CREB5: variants seen among roughly 807,000 people sequenced by gnomAD.
The protein encoded by CREB5 is cyclic AMP-responsive element-binding protein 5.
A neutral mutation model predicts 57.1 loss-of-function variants in CREB5; 19 were observed. That is an observed-to-expected ratio of 0.33 (90% CI 0.23 to 0.49). The LOEUF is 0.49. Among genes scored for constraint, CREB5 ranks in the 20% least tolerant of loss-of-function variants. CREB5 has a pLI of 0.99. For missense variants in CREB5, 579 were observed against 671.6 expected (o/e 0.86, Z 1.52); for synonymous variants, 238 against 238.3 (o/e 1.00, Z 0.01).
intron 1 of CREB5, among the ~76,000 whole-genome samples, chr7:28,350,292 C>T (rs975177002): frequency 7.9e-5 from 12 of 152,142 alleles, no homozygotes; most frequent in Admixed American, 3.3e-4. Flanking sequence ...GAAGACTGGC[C>T]GCCTGTGGAG....
At chr7:28,560,981 CGTGCGT>C (rs1562798259) in intron 4 of CREB5, among the ~76,000 whole-genome samples, 1 of 22,432 alleles carries the variant, frequency 4.5e-5, no homozygotes, top group Admixed American at 5.3e-4. Context: ...TGCGTGTGTG[CGTGCGT>C]GTGTGTGCCT....
At chr7:28,482,545 T>G (rs1229559981) in intron 1 of CREB5, among the ~76,000 whole-genome samples, 1 of 152,232 alleles carries the variant, frequency 6.6e-6, no homozygotes, top group Non-Finnish European at 1.5e-5. Flanking sequence ...GTTTTTGGTA[T>G]TTCAGGAAGG....
At position 28,442,636 on chromosome 7, in the gene CREB5, C is replaced by T. The variant is rs560215455; in HGVS notation, c.3+29719C>T. Among the ~76,000 whole-genome samples, 37 of 152,150 alleles carry T rather than the reference C, an allele frequency of 2.4e-4. No individual in the cohort carries two copies. In the South Asian group the frequency reaches 4.8e-3, roughly 20 times the overall value. ...AGCATGTGTTAACTTTTTGTCTTTT[C>T]GATAATAGCCATTCTAACTGGGGTG... On this transcript the variant is annotated intron_variant, in intron 1 of 10. Transcript: ENST00000357727.
At chr7:28,344,414 C>G (rs1785998584) in intron 1 of CREB5, among the ~76,000 whole-genome samples, 1 of 152,018 alleles carries the variant, frequency 6.6e-6, no homozygotes, top group Non-Finnish European at 1.5e-5. Context: ...TTGTCCTTTC[C>G]CCAGCATGTG....
intron 7 of CREB5, among the ~76,000 whole-genome samples, chr7:28,759,415 A>T (rs1805520541): frequency 1.3e-5 from 2 of 152,228 alleles, no homozygotes; most frequent in Admixed American, 1.3e-4. Context: ...AGAAAAATGT[A>T]TTTGAAGAAC....
intron 1 of CREB5, among the ~76,000 whole-genome samples, chr7:28,421,554 T>A (rs1165061266): frequency 6.6e-6 from 1 of 152,024 alleles, no homozygotes; most frequent in Non-Finnish European, 1.5e-5. Context: ...GACATTGGTA[T>A]GTGTGTGATG....
At chr7:28,590,696 A>C (rs1796475565) in intron 5 of CREB5, among the ~76,000 whole-genome samples, 1 of 150,354 alleles carries the variant, frequency 6.7e-6, no homozygotes, top group Non-Finnish European at 1.5e-5. Context: ...TAATAATAAT[A>C]ATAATAATAA....
chr7:28,411,954 G>A (rs1480447985), upstream of CREB5, among the ~76,000 whole-genome samples: 1 of 151,700 alleles, frequency 6.6e-6, no homozygotes, highest in African/African-American at 2.4e-5. Context: ...AGACTTAAAG[G>A]AAAAAAAATG....
intron 5 of CREB5, among the ~76,000 whole-genome samples, chr7:28,636,999 C>A (rs758053874): frequency 1.1e-4 from 16 of 151,772 alleles, no homozygotes; most frequent in Non-Finnish European, 2.2e-4. Context: ...ACAAAAAGTA[C>A]AAAAATTAGC....
In CREB5 at chr7:28,819,203, C is replaced by T. The variant is rs376651265; in HGVS notation, c.1451C>T (p.Ser484Leu). 4 of 1,613,874 alleles carry T rather than the reference C, an allele frequency of 2.5e-6. No individual in the cohort carries two copies. Among genetic ancestry groups the T allele is most frequent in the South Asian group, 1.1e-5 (1 of 91,080 alleles). ...IQHNTITTSS[S>L]VSEVVGSSTL... ...CATAATACCATCACTACTTCCTCATCGGTCAGCGAGGTGGTAGGAAGCTCC... is the reference window on the plus strand; with the variant it reads ...CATAATACCATCACTACTTCCTCATTGGTCAGCGAGGTGGTAGGAAGCTCC... Residue 484 changes from serine to leucine, a missense_variant, in exon 11 of 11, where the codon TCG becomes TTG. Ser to Leu is a moderately radical substitution (Grantham distance 145, BLOSUM62 -2). Transcript: ENST00000357727.
intron 7 of CREB5, among the ~76,000 whole-genome samples, chr7:28,773,033 T>C (rs1806413199): frequency 6.6e-6 from 1 of 152,136 alleles, no homozygotes; most frequent in South Asian, 2.1e-4. Flanking sequence ...AAGGCAGGGT[T>C]TTCGAGAGCT....
intron 1 of CREB5, among the ~76,000 whole-genome samples, chr7:28,443,993 T>C (rs1789313422): frequency 6.6e-6 from 1 of 152,170 alleles, no homozygotes; most frequent in Non-Finnish European, 1.5e-5. Context: ...TGCTAGGTGA[T>C]TTGAAAGTTA....
At position 28,348,408 on chromosome 7, in the gene CREB5, TCACACACACACA is replaced by T. The variant is rs59152695; in HGVS notation, c.-25+48992_-25+49003del. Among the ~76,000 whole-genome samples the T allele has an allele frequency of 5.1e-5, 6 of 118,248 alleles. No homozygotes were observed. The East Asian group carries it at 7.7e-4, about 15-fold the overall frequency. The allele number at this position is 118,248 out of a possible 152,430, so 77.6% of individuals were successfully genotyped here. A position where few individuals can be genotyped will look rare whatever the true frequency, so the allele number is the denominator to read the frequency against. On this transcript the variant is annotated intron_variant, in intron 1 of 9. Coordinates refer to the CREB5 transcript ENST00000396299. ...GTCTCTCTCTCTCTGTCTCTCTCTC[TCACACACACACA>T]CACACACACACACACACACACACAG...
At chr7:28,345,379 C>T (rs1239458279) in intron 1 of CREB5, among the ~76,000 whole-genome samples, 1 of 151,738 alleles carries the variant, frequency 6.6e-6, no homozygotes, top group South Asian at 2.1e-4. Context: ...TGTTTCCAAC[C>T]ACAATGATAT....
chr7:28,788,590 C>T (rs918448275), intron 7 of CREB5, among the ~76,000 whole-genome samples: 8 of 152,284 alleles, frequency 5.3e-5, no homozygotes, highest in South Asian at 2.1e-4. Flanking sequence ...TCTTGGTATT[C>T]TTACCGTGCA....
intron 1 of CREB5, among the ~76,000 whole-genome samples, chr7:28,423,581 G>A (rs920017890): frequency 1.3e-5 from 2 of 152,096 alleles, no homozygotes; most frequent in South Asian, 2.1e-4. Context: ...CCAGAGAGTG[G>A]GGAAGATGGA....
intron 1 of CREB5, among the ~76,000 whole-genome samples, chr7:28,464,538 T>TGTGTGTGTG (rs1562735175): frequency 6.7e-6 from 1 of 148,228 alleles, no homozygotes; most frequent in African/African-American, 2.5e-5. Flanking sequence ...TGTGTGTGTG[T>TGTGTGTGTG]TACTAATGCA....
At chr7:28,758,530 A>C (rs1210234176) in intron 7 of CREB5, among the ~76,000 whole-genome samples, 1 of 152,204 alleles carries the variant, frequency 6.6e-6, no homozygotes. Context: ...TCAGTGAGAC[A>C]GATCAAACCA....
At chr7:28,557,277 G>T (rs1481268746) in intron 4 of CREB5, among the ~76,000 whole-genome samples, 1 of 152,190 alleles carries the variant, frequency 6.6e-6, no homozygotes, top group Non-Finnish European at 1.5e-5. Flanking sequence ...CTGAGAAACA[G>T]TGGAATCTCA....
Sources: gnomAD v4.1 joint callset for allele counts (sites outside exome capture counted in the v4.1 genomes callset) on GRCh38, gnomAD v4.1.1 for gene constraint, MANE v1.5 for transcripts, NCBI Gene and HGNC (gene_info 2026-07-23, HGNC 2026-07-21) for gene names.